ERLEC1: variants seen among roughly 807,000 people sequenced by gnomAD.
ERLEC1 encodes ER lectin.
ERLEC1 carries 47 observed loss-of-function variants against 68.0 expected under a neutral mutation model. The ratio of observed to expected loss-of-function variants is 0.69; its 90% CI spans 0.55 to 0.88. ERLEC1 has a LOEUF of 0.88. Among genes scored for constraint, ERLEC1 ranks in the 40% least tolerant of loss-of-function variants. The pLI is 0.00. For missense variants in ERLEC1, 567 were observed against 583.8 expected, an observed-to-expected ratio of 0.97 and a Z score of 0.30; for synonymous variants, 225 against 203.2, an observed-to-expected ratio of 1.11 and a Z score of -0.91.
At position 53,818,587 on chromosome 2, in the gene ERLEC1, C is replaced by T. The variant is rs932345951; in HGVS notation, c.*618C>T. Reference sequence around the variant, plus strand: ...GTTGCTTCTCTCTCAGAACTTTTATCTATTACTTTTTTCTTCTTATGAGTA... The same window carrying T: ...GTTGCTTCTCTCTCAGAACTTTTATTTATTACTTTTTTCTTCTTATGAGTA... On this transcript the variant is annotated 3_prime_UTR_variant, in exon 14 of 14. Transcript: ENST00000185150. 6.6e-6 allele frequency: 1 copy of T among 152,268 alleles called. No homozygotes were observed. The highest frequency in any genetic ancestry group is 2.1e-4 in the South Asian group (1 of 4,816). 9.4% of individuals were successfully genotyped at this position (152,268 alleles called of 1,614,324 possible).
At position 53,812,942 on chromosome 2, in the gene ERLEC1, A is replaced by G. The variant is rs2104336697; in HGVS notation, c.1102-7A>G. ...ACGCATTATCACAAATTTTTTTCCC[A>G]TATTAGGACAAGGATAGTGGGAAAA... is the stretch of plus-strand genomic sequence containing the variant. On this transcript the variant is annotated splice_region_variant and splice_polypyrimidine_tract_variant and intron_variant, in intron 10 of 13. Coordinates refer to ENST00000185150, the MANE Select transcript of ERLEC1 (RefSeq NM_015701.5). The G allele has an allele frequency of 1.3e-6, 2 of 1,598,728 alleles. No individual in the cohort carries two copies. The highest frequency in any genetic ancestry group is 2.2e-5 in the East Asian group (1 of 44,806).
At chr2:53,807,182 T>A (rs1191208441) in intron 8 of ERLEC1, among the ~76,000 whole-genome samples, 1 of 152,248 alleles carries the variant, frequency 6.6e-6, no homozygotes, top group African/African-American at 2.4e-5. Flanking sequence ...GATTTAAATA[T>A]CATACCCCCA....
At chr2:53,811,449 GC>G (rs1403518660) in intron 10 of ERLEC1, among the ~76,000 whole-genome samples, 4 of 152,112 alleles carry the variant, frequency 2.6e-5, no homozygotes, top group African/African-American at 9.7e-5. Context: ...CTATACACTT[GC>G]CAACACTAGG....
At chr2:53,801,894 A>C in intron 8 of ERLEC1, 52 bp downstream of exon 8, 1 of 1,448,456 alleles carries the variant, frequency 6.9e-7, no homozygotes, top group East Asian at 2.3e-5. Context: ...TTAAAATTTC[A>C]GAGCATATGT....
chr2:53,814,860 G>T lies in ERLEC1; in HGVS notation c.1305G>T (p.Lys435Asn), dbSNP rs767697581. 1.1e-5 allele frequency: 18 copies of T among 1,603,752 alleles called. No individual in the cohort carries two copies. In the East Asian group the frequency reaches 3.8e-4, roughly 34 times the overall value. The part of the protein sequence containing the change: ...DKPRQVTVKL[K>N]CKESDSPHAV... ...TACCTTAAAGTGCTCTCTGTTTTAG[G>T]TGCAAAGAATCAGATTCACCTCATG... The change falls in exon 13 of 14, where the codon AAG becomes AAT. Residue 435 changes from lysine (K) to asparagine (N), a missense_variant and splice_region_variant. Transcript: ENST00000185150.
chr2:53,808,909 G>A (rs1039653331), intron 9 of ERLEC1, among the ~76,000 whole-genome samples: 5 of 152,146 alleles, frequency 3.3e-5, no homozygotes, highest in East Asian at 3.8e-4. Context: ...GATTACAGGC[G>A]TGAGCCACCG....
chr2:53,797,428 G>A, intron 3 of ERLEC1, 87 bp from the exon 4 acceptor site: 1 of 895,046 alleles, frequency 1.1e-6, no homozygotes, highest in African/African-American at 1.7e-5. Flanking sequence ...GAAATCTTAG[G>A]GGAAGTCTCA....
In ERLEC1 at chr2:53,808,402, A is replaced by G. The variant is rs200669336; in HGVS notation, c.983A>G (p.Lys328Arg). 1.5e-4 allele frequency: 245 copies of G among 1,614,034 alleles called. No homozygotes were observed. The highest frequency in any genetic ancestry group is 1.9e-4 in the Non-Finnish European group (230 of 1,180,026). The change falls in exon 9 of 14, where the codon AAA (lysine) becomes AGA (arginine). Residue 328 changes from lysine to arginine, a missense_variant. Lys to Arg is a conservative substitution (Grantham distance 26). Transcript: ENST00000185150. ...ACTGTTGGGACAACCCACATATCCA[A>G]ATTGACAGATGACCAACTCATAAAA... ...VLTVGTTHIS[K>R]LTDDQLIKEF... is the part of the protein sequence containing the mutation.
At chr2:53,815,366 A>G (rs991481056) in intron 13 of ERLEC1, among the ~76,000 whole-genome samples, 1 of 152,176 alleles carries the variant, frequency 6.6e-6, no homozygotes, top group Non-Finnish European at 1.5e-5. Flanking sequence ...CCAAGGCTTA[A>G]TATGGCCCAC....
At chr2:53,795,315 C>G (rs865869793) in intron 2 of ERLEC1, among the ~76,000 whole-genome samples, 1 of 152,136 alleles carries the variant, frequency 6.6e-6, no homozygotes, top group Non-Finnish European at 1.5e-5. Flanking sequence ...CTGACTTCCT[C>G]CACTCAATAA....
chr2:53,787,874 T>C, intron 1 of ERLEC1, among the ~76,000 whole-genome samples: 1 of 152,244 alleles, frequency 6.6e-6, no homozygotes, highest in South Asian at 2.1e-4. Context: ...GGGAACTTTT[T>C]CCTTTCCTAG....
Position 53,787,205 on chromosome 2 carries a change from C to T in ERLEC1, c.-6C>T. On this transcript the variant is annotated 5_prime_UTR_variant, in exon 1 of 14. Coordinates refer to ENST00000185150, the MANE Select transcript of ERLEC1 (RefSeq NM_015701.5). ...TGGCGGTGGCTGGAGAAAGCGGCGG[C>T]GGAGGATGGAGGAAGGAGGCGGCGG... The T allele has an allele frequency of 2.5e-6, 4 of 1,586,508 alleles. No homozygotes were observed. Among genetic ancestry groups the T allele is most frequent in the Non-Finnish European group, 3.4e-6 (4 of 1,168,948 alleles).
At chr2:53,799,144 A>G (rs2104298755) in intron 6 of ERLEC1, 63 bp downstream of exon 6, 6 of 1,375,442 alleles carry the variant, frequency 4.4e-6, no homozygotes, top group Non-Finnish European at 6.2e-6. Context: ...ATGAATTTAT[A>G]TAACCCAAGT....
In ERLEC1 at chr2:53,797,503, C is replaced by T. The variant is rs1480364269; in HGVS notation, c.349-12C>T. On this transcript the variant is annotated splice_polypyrimidine_tract_variant and intron_variant, in intron 3 of 13. Transcript: ENST00000185150. ...TGGCTTTTGTGCATTGAAATATATC[C>T]ATCTTTTTTAGATTGAGTCTTATTG... The T allele has an allele frequency of 6.3e-7, 1 of 1,596,752 alleles. No homozygotes were observed. Among genetic ancestry groups the T allele is most frequent in the South Asian group, 1.1e-5 (1 of 87,658 alleles).
intron 10 of ERLEC1, among the ~76,000 whole-genome samples, chr2:53,812,626 A>T (rs1676649083): frequency 6.6e-6 from 1 of 152,178 alleles, no homozygotes; most frequent in Admixed American, 6.5e-5. Flanking sequence ...GAAAAAGTAG[A>T]GGAAGAGTCT....
At chr2:53,810,518 G>A (rs1212694626) in intron 10 of ERLEC1, among the ~76,000 whole-genome samples, 1 of 152,100 alleles carries the variant, frequency 6.6e-6, no homozygotes, top group Non-Finnish European at 1.5e-5. Context: ...AAGCTGCTAG[G>A]TATTGAAGAC....
intron 8 of ERLEC1, among the ~76,000 whole-genome samples, chr2:53,805,397 T>C (rs924296691): frequency 2.6e-5 from 4 of 152,118 alleles, no homozygotes; most frequent in African/African-American, 9.7e-5. Flanking sequence ...TAATTTTTTT[T>C]AGTAGAGAAA....
chr2:53,817,301 T>C (rs912932969), intron 13 of ERLEC1, among the ~76,000 whole-genome samples: 12 of 152,088 alleles, frequency 7.9e-5, no homozygotes, highest in African/African-American at 2.4e-4. Context: ...GCCTGGCTAA[T>C]TTTTTGTATT....
chr2:53,813,143 A>G, intron 11 of ERLEC1, 70 bp downstream of exon 11: 1 of 1,545,708 alleles, frequency 6.5e-7, no homozygotes, highest in Non-Finnish European at 8.7e-7. Flanking sequence ...ATTGAAAAAC[A>G]TAAAAATTCA....
Sources: gnomAD v4.1 joint callset for allele counts (sites outside exome capture counted in the v4.1 genomes callset) on GRCh38, gnomAD v4.1.1 for gene constraint, MANE v1.5 for transcripts, NCBI Gene and HGNC (gene_info 2026-07-23, HGNC 2026-07-21) for gene names.